CEP128: variants seen among roughly 807,000 people sequenced by gnomAD.
The protein encoded by CEP128 is centrosomal protein 128, also known as centrosomal protein 128kDa.
In CEP128, 132 loss-of-function variants were observed where a neutral mutation model predicts 156.7. The observed-to-expected ratio is 0.84, with a 90% CI of 0.73 to 0.97. The LOEUF is 0.97. CEP128 is among the 50% of genes least tolerant of loss of function. The probability of loss-of-function intolerance (pLI) is 0.00; values close to 1 mark genes in which losing one functional copy is unlikely to be tolerated. For missense variants in CEP128, 1,252 were observed against 1,281.9 expected, an observed-to-expected ratio of 0.98 and a Z score of 0.36; for synonymous variants, 469 against 448.9, an observed-to-expected ratio of 1.04 and a Z score of -0.57.
In CEP128 at chr14:80,872,414, T is replaced by C. The variant is rs190515454; in HGVS notation, c.646-9541A>G. On this transcript the variant is annotated intron_variant, in intron 8 of 24. Coordinates refer to ENST00000555265, the MANE Select transcript of CEP128 (RefSeq NM_152446.5). Reference sequence around the variant, plus strand: ...GATTAACACATCAAATACTGACATATATGACAGCAACCACAACTTTTTGTC... The same window carrying C: ...GATTAACACATCAAATACTGACATACATGACAGCAACCACAACTTTTTGTC... Among the ~76,000 whole-genome samples the C allele has an allele frequency of 3.8e-3, 585 of 152,306 alleles. 5 individuals carry two copies. The highest frequency in any genetic ancestry group is 5.7e-3 in the Non-Finnish European group (390 of 68,020).
downstream of CEP128, among the ~76,000 whole-genome samples, chr14:80,486,011 T>C (rs1033392374): frequency 6.6e-6 from 1 of 152,220 alleles, no homozygotes; most frequent in South Asian, 2.1e-4. Flanking sequence ...ATTTACTTGG[T>C]TTTGTTATTT....
At chr14:80,676,939 A>G (rs1896087066) in intron 19 of CEP128, among the ~76,000 whole-genome samples, 1 of 152,174 alleles carries the variant, frequency 6.6e-6, no homozygotes, top group Admixed American at 6.5e-5. Flanking sequence ...TGTGAATGAA[A>G]TGAGCCTAAA....
rs188080134 is a variant in CEP128 at position 80,911,418 on chromosome 14, A to G, written c.234+2904T>C. 3.9e-3 allele frequency among the ~76,000 whole-genome samples: 588 copies of G among 152,352 alleles called. 3 individuals carry two copies. The highest frequency in any genetic ancestry group is 5.3e-3 in the Non-Finnish European group (359 of 68,028). ...CTACTCAGGAGGCTGAGGTAGGAGA[A>G]TTGCTTTAGCCCAGTAGTTCAAGGC... On this transcript the variant is annotated intron_variant, in intron 4 of 24. Transcript: ENST00000555265.
chr14:80,537,388 G>A (rs1193041816), intron 21 of CEP128, among the ~76,000 whole-genome samples: 1 of 152,078 alleles, frequency 6.6e-6, no homozygotes, highest in Non-Finnish European at 1.5e-5. Flanking sequence ...GAGAAGGGAA[G>A]ACAGAGGAAA....
chr14:80,735,613 C>T (rs1898491055), intron 19 of CEP128, among the ~76,000 whole-genome samples: 1 of 152,170 alleles, frequency 6.6e-6, no homozygotes, highest in Non-Finnish European at 1.5e-5. Context: ...ATTAGTTTTT[C>T]ATAGATGCTG....
At chr14:80,927,163 G>A (rs1461733002) in intron 2 of CEP128, among the ~76,000 whole-genome samples, 1 of 152,196 alleles carries the variant, frequency 6.6e-6, no homozygotes, top group Non-Finnish European at 1.5e-5. Flanking sequence ...AAGGGGGCGT[G>A]TACCACATTA....
chr14:80,751,242 T>C (rs955275312), intron 18 of CEP128, among the ~76,000 whole-genome samples: 8 of 152,324 alleles, frequency 5.3e-5, no homozygotes, highest in Admixed American at 2.6e-4. Flanking sequence ...CTTTATTCCA[T>C]TGTCAAACAA....
chr14:80,663,136 G>A (rs1429767454), intron 19 of CEP128, among the ~76,000 whole-genome samples: 7 of 152,084 alleles, frequency 4.6e-5, no homozygotes, highest in Non-Finnish European at 1.0e-4. Flanking sequence ...TTCACTACAG[G>A]CCCCGGGCTG....
intron 2 of CEP128, among the ~76,000 whole-genome samples, chr14:80,929,577 G>T (rs1885339267): frequency 6.6e-6 from 1 of 152,130 alleles, no homozygotes; most frequent in Non-Finnish European, 1.5e-5. Flanking sequence ...GCAGCAACTT[G>T]GTTAGAACTG....
chr14:80,538,317 C>T (rs1391685919), intron 21 of CEP128, among the ~76,000 whole-genome samples: 1 of 152,098 alleles, frequency 6.6e-6, no homozygotes, highest in Non-Finnish European at 1.5e-5. Context: ...TTTAGAAATG[C>T]ATTTACTATT....
chr14:80,913,652 G>A (rs1305096912), intron 4 of CEP128, among the ~76,000 whole-genome samples: 2 of 151,964 alleles, frequency 1.3e-5, no homozygotes, highest in Non-Finnish European at 2.9e-5. Context: ...GTGGTATAAT[G>A]GACATTGGAG....
intron 19 of CEP128, among the ~76,000 whole-genome samples, chr14:80,742,391 T>C (rs2139594012): frequency 6.6e-6 from 1 of 152,240 alleles, no homozygotes; most frequent in Non-Finnish European, 1.5e-5. Context: ...CTCCACAACG[T>C]CTTTTGCATT....
At chr14:80,871,400 A>G (rs765584702) in intron 8 of CEP128, among the ~76,000 whole-genome samples, 10 of 152,086 alleles carry the variant, frequency 6.6e-5, no homozygotes, top group Non-Finnish European at 1.3e-4. Context: ...GATTTCAGAA[A>G]TTAAAGGGAC....
intron 13 of CEP128, among the ~76,000 whole-genome samples, chr14:80,829,801 T>C (rs1885685531): frequency 6.6e-6 from 1 of 152,144 alleles, no homozygotes; most frequent in South Asian, 2.1e-4. Flanking sequence ...TAAGAAATTG[T>C]AAAATAACTA....
At chr14:80,575,727 T>C (rs545526322) in intron 20 of CEP128, among the ~76,000 whole-genome samples, 1 of 152,292 alleles carries the variant, frequency 6.6e-6, no homozygotes, top group South Asian at 2.1e-4. Context: ...GCTAATCCTC[T>C]CAAGAGTCCT....
In CEP128 at chr14:80,504,414, A is replaced by G. The variant is rs2140190678; in HGVS notation, c.3181+498T>C. Among the ~76,000 whole-genome samples, 4 of 152,284 alleles carry G rather than the reference A, an allele frequency of 2.6e-5. No individual in the cohort carries two copies. In the South Asian group the frequency reaches 8.3e-4, roughly 32 times the overall value. On this transcript the variant is annotated intron_variant, in intron 24 of 24. Transcript: ENST00000555265. ...GAAGGAAGGGAGACGGCAGGGATAG[A>G]TCGTGGCAGATGGCATTTTGGGCCA... is the stretch of plus-strand genomic sequence containing the variant.
intron 18 of CEP128, among the ~76,000 whole-genome samples, chr14:80,753,930 T>C (rs573449056): frequency 6.6e-6 from 1 of 152,350 alleles, no homozygotes; most frequent in East Asian, 1.9e-4. Flanking sequence ...CTCTGAATGT[T>C]TGAACAATTT....
chr14:80,874,978 A>G (rs1480138723), intron 8 of CEP128, among the ~76,000 whole-genome samples: 3 of 152,210 alleles, frequency 2.0e-5, no homozygotes, highest in Admixed American at 6.5e-5. Context: ...TATAAGAATA[A>G]CATGCAGAAG....
chr14:80,732,631 G>A (rs530531706), intron 19 of CEP128, among the ~76,000 whole-genome samples: 2 of 152,182 alleles, frequency 1.3e-5, no homozygotes, highest in African/African-American at 4.8e-5. Flanking sequence ...GTATTAATTT[G>A]AGAGTATTCG....
Sources: gnomAD v4.1 joint callset for allele counts (sites outside exome capture counted in the v4.1 genomes callset) on GRCh38, gnomAD v4.1.1 for gene constraint, MANE v1.5 for transcripts, NCBI Gene and HGNC (gene_info 2026-07-23, HGNC 2026-07-21) for gene names.